TSHR: variants seen among roughly 807,000 people sequenced by gnomAD.
TSHR encodes the protein thyrotropin receptor.
A neutral mutation model predicts 64.1 loss-of-function variants in TSHR; 51 were observed. That is an observed-to-expected ratio of 0.80 (90% CI 0.64 to 1.01). The LOEUF (loss-of-function observed/expected upper bound fraction) is 1.01. Ranked by LOEUF, TSHR falls within the 50% of genes least tolerant of loss-of-function variation. The pLI is 0.00. For missense variants in TSHR, 877 were observed against 942.8 expected (o/e 0.93, Z 0.91); for synonymous variants, 361 against 361.9 (o/e 1.00, Z 0.03).
chr14:81,046,816 G>T (rs1178849877), intron 1 of TSHR, among the ~76,000 whole-genome samples: 3 of 152,018 alleles, frequency 2.0e-5, no homozygotes, highest in African/African-American at 7.2e-5. Context: ...AAAGTAGCCA[G>T]ATTTAAAAAA....
chr14:81,052,726 T>C (rs1280203142), intron 1 of TSHR: 1 of 152,222 alleles, frequency 6.6e-6, no homozygotes, highest in Non-Finnish European at 1.5e-5. Flanking sequence ...ATCAATGTTT[T>C]ATAGTTTTCA....
Position 81,144,490 on chromosome 14 carries a change from G to A in TSHR, c.*137G>A, listed in dbSNP as rs907178967. The stretch of plus-strand genomic sequence containing the variant: ...AGGCGATGTTTCAATGTTTCATGGG[G>A]CAAGAGTTTATCTCTGGAGAGTGAT... On this transcript the variant is annotated 3_prime_UTR_variant, in exon 10 of 10. Coordinates refer to ENST00000298171, the MANE Select transcript of TSHR (RefSeq NM_000369.5). 6 of 896,042 alleles carry A rather than the reference G, an allele frequency of 6.7e-6. No individual in the cohort carries two copies. The highest frequency in any genetic ancestry group is 4.1e-5 in the Admixed American group (2 of 48,650). 55.5% of individuals were successfully genotyped at this position (896,042 alleles called of 1,614,324 possible). A position where few individuals can be genotyped will look rare whatever the true frequency, so the allele number is the denominator to read the frequency against.
intron 1 of TSHR, among the ~76,000 whole-genome samples, chr14:81,006,118 TTC>T (rs1187058326): frequency 6.6e-6 from 1 of 152,192 alleles, no homozygotes; most frequent in Admixed American, 6.5e-5. Context: ...AAAATAAACT[TTC>T]TGTTTTAGAA....
intron 3 of TSHR, among the ~76,000 whole-genome samples, chr14:81,072,546 C>T (rs1282998223): frequency 2.6e-5 from 4 of 151,614 alleles, no homozygotes; most frequent in African/African-American, 4.8e-5. Context: ...TACAAAAAAG[C>T]GAGAAATTGG....
At chr14:81,089,332 A>C (rs955305097) in intron 4 of TSHR, among the ~76,000 whole-genome samples, 1 of 152,158 alleles carries the variant, frequency 6.6e-6, no homozygotes, top group Non-Finnish European at 1.5e-5. Context: ...TGCCAGGGGA[A>C]TGGAAGACAC....
Position 81,101,987 on chromosome 14 carries a change from C to T in TSHR, c.614+5280C>T, listed in dbSNP as rs558101304. 1.2e-3 allele frequency among the ~76,000 whole-genome samples: 177 copies of T among 151,966 alleles called. 6 individuals are homozygous for T. The South Asian group carries it at 0.024, about 21-fold the overall frequency. On this transcript the variant is annotated intron_variant, in intron 7 of 9. Transcript: ENST00000298171. Reference sequence around the variant, plus strand: ...GAGATCGAGACCATCCTGGCTAACACGGTGAAACCCCGTCTCTACTAAAAA... The same window carrying T: ...GAGATCGAGACCATCCTGGCTAACATGGTGAAACCCCGTCTCTACTAAAAA...
chr14:81,142,606 CTT>C (rs10711545), intron 9 of TSHR, among the ~76,000 whole-genome samples: 458 of 97,216 alleles, frequency 4.7e-3, no homozygotes, highest in Middle Eastern at 0.023. Flanking sequence ...AACAAGCATT[CTT>C]TTTTTTTTTT....
At chr14:81,090,755 A>T (rs962999727) in intron 4 of TSHR, among the ~76,000 whole-genome samples, 1 of 152,174 alleles carries the variant, frequency 6.6e-6, no homozygotes, top group African/African-American at 2.4e-5. Flanking sequence ...AATCACACAC[A>T]CACACACACG....
intron 2 of TSHR, among the ~76,000 whole-genome samples, chr14:81,064,183 G>T (rs1886439834): frequency 6.6e-6 from 1 of 152,110 alleles, no homozygotes; most frequent in African/African-American, 2.4e-5. Context: ...AAGGCTGTAG[G>T]CAGGAAGCTA....
intron 8 of TSHR, among the ~76,000 whole-genome samples, chr14:81,120,190 AT>A (rs1420553319): frequency 2.6e-5 from 4 of 152,196 alleles, no homozygotes; most frequent in African/African-American, 7.2e-5. Flanking sequence ...AATAAAAAAA[AT>A]AAAAAAATAA....
At chr14:81,085,313 G>A (rs565985149) in intron 3 of TSHR, among the ~76,000 whole-genome samples, 2 of 152,186 alleles carry the variant, frequency 1.3e-5, no homozygotes, top group African/African-American at 2.4e-5. Context: ...GGCAGTCTAC[G>A]ACCACTCCAC....
chr14:81,006,181 A>T (rs1039238776), intron 1 of TSHR, among the ~76,000 whole-genome samples: 3 of 152,194 alleles, frequency 2.0e-5, no homozygotes, highest in Admixed American at 2.0e-4. Flanking sequence ...TAGTTCCCAT[A>T]TACTTTACAC....
At chr14:81,043,450 G>A (rs2139849932) in intron 1 of TSHR, among the ~76,000 whole-genome samples, 1 of 152,142 alleles carries the variant, frequency 6.6e-6, no homozygotes, top group South Asian at 2.1e-4. Context: ...ATAAACAAAT[G>A]GAAAAACATT....
chr14:81,006,785 T>C (rs909422812), intron 1 of TSHR, among the ~76,000 whole-genome samples: 1 of 152,136 alleles, frequency 6.6e-6, no homozygotes, highest in African/African-American at 2.4e-5. Flanking sequence ...GGTGCTGGGA[T>C]TACAGGCGTG....
rs1278939208 is a variant in TSHR, at chr14:81,134,927, A to T, written c.693-4752A>T. ...ACCTTCATGAAATGTCACACCAGGG[A>T]TAAAGAGAAGGTCTGAGAAGCTTCC... is the stretch of plus-strand genomic sequence containing the variant. On this transcript the variant is annotated intron_variant, in intron 8 of 9. Coordinates refer to ENST00000298171, the MANE Select transcript of TSHR (RefSeq NM_000369.5). Among the ~76,000 whole-genome samples, 9 of 152,322 alleles carry T rather than the reference A, an allele frequency of 5.9e-5. No individual in the cohort carries two copies. The East Asian group carries it at 1.7e-3, about 29-fold the overall frequency.
intron 3 of TSHR, 31 bp downstream of exon 3, chr14:81,068,359 T>C: frequency 6.2e-7 from 1 of 1,604,102 alleles, no homozygotes; most frequent in Non-Finnish European, 8.5e-7. Flanking sequence ...AGCATAGACC[T>C]AAGCCACAAC....
chr14:80,994,637 C>A (rs1375595063), intron 1 of TSHR: 2 of 152,156 alleles, frequency 1.3e-5, no homozygotes. Flanking sequence ...AGAAAGGATT[C>A]CCTGTTCAAT....
chr14:81,141,800 A>G (rs1176775449), intron 9 of TSHR, among the ~76,000 whole-genome samples: 1 of 152,214 alleles, frequency 6.6e-6, no homozygotes, highest in African/African-American at 2.4e-5. Context: ...CTAAATAATG[A>G]TGAGTAGAGG....
In TSHR at chr14:81,079,864, A is replaced by G. The variant is rs201929837; in HGVS notation, c.318-8090A>G. 1.3e-3 allele frequency among the ~76,000 whole-genome samples: 196 copies of G among 151,838 alleles called. 2 individuals carry two copies. The East Asian group carries it at 0.032, about 25-fold the overall frequency. On this transcript the variant is annotated intron_variant, in intron 3 of 9. Coordinates refer to ENST00000298171, the MANE Select transcript of TSHR (RefSeq NM_000369.5). ...AATGAGACCCCTAGCTCAAAAGAAA[A>G]AAAAAAAAAAAAGCAAAGAAAAAGA...
Sources: gnomAD v4.1 joint callset for allele counts (sites outside exome capture counted in the v4.1 genomes callset) on GRCh38, gnomAD v4.1.1 for gene constraint, MANE v1.5 for transcripts, NCBI Gene and HGNC (gene_info 2026-07-23, HGNC 2026-07-21) for gene names.